UNC5B: variants seen among roughly 807,000 people sequenced by gnomAD.
The protein encoded by UNC5B is netrin receptor UNC5B.
Under a neutral mutation model 103.7 loss-of-function variants are expected in UNC5B, and 56 were observed. The observed-to-expected ratio is 0.54, with a 90% CI of 0.44 to 0.67. UNC5B has a LOEUF of 0.67. Ranked by LOEUF, UNC5B falls within the 30% of genes least tolerant of loss-of-function variation. UNC5B has a pLI of 0.00. For missense variants in UNC5B, 1,194 were observed against 1,284.5 expected (o/e 0.93, Z 1.08); for synonymous variants, 577 against 542.0 (o/e 1.06, Z -0.90).
Position 71,296,599 on chromosome 10 carries a change from T to A in UNC5B, c.2347T>A (p.Trp783Arg). The change falls in exon 15 of 17, where the codon TGG becomes AGG. Residue 783 changes from tryptophan (W) to arginine (R), a missense_variant. Physicochemically the swap from Trp to Arg is moderately radical, Grantham distance 101 (BLOSUM62 -3). Coordinates refer to ENST00000335350, the MANE Select transcript of UNC5B (RefSeq NM_170744.5). ...GCAGGAGATCCCCTTCTATCACATTTGGAGTGGCAGCCAGAAGGCCCTCCA... is the reference window on the plus strand; with the variant it reads ...GCAGGAGATCCCCTTCTATCACATTAGGAGTGGCAGCCAGAAGGCCCTCCA... Reference protein sequence around the residue: ...KYQEIPFYHIWSGSQKALHCT... With the variant: ...KYQEIPFYHIRSGSQKALHCT... The A allele has an allele frequency of 6.2e-7, 1 of 1,613,934 alleles. No homozygotes were observed. Among genetic ancestry groups the A allele is most frequent in the African/African-American group, 1.3e-5 (1 of 75,060 alleles).
intron 6 of UNC5B, among the ~76,000 whole-genome samples, chr10:71,288,193 C>G (rs7077994): frequency 0.1 from 15,265 of 152,258 alleles, 983 homozygotes; most frequent in African/African-American, 0.18. Flanking sequence ...TGCAGCCCCT[C>G]TGCTCCCCTA....
chr10:71,229,383 C>T (rs1589152471), intron 1 of UNC5B, among the ~76,000 whole-genome samples: 1 of 152,220 alleles, frequency 6.6e-6, no homozygotes, highest in Non-Finnish European at 1.5e-5. Context: ...CCGGAAGGTC[C>T]TGCTCCAAGC....
Position 71,293,901 on chromosome 10 carries a change from T to C in UNC5B, c.2143T>C (p.Tyr715His). 1 of 1,604,566 alleles carries C rather than the reference T, an allele frequency of 6.2e-7. No homozygotes were observed. The highest frequency in any genetic ancestry group is 8.5e-7 in the Non-Finnish European group (1 of 1,179,578). ...CTCCCTGGAGTACAGCCTCCGGGTCTACTGCCTGGAGGACACGCCTGTAGC... is the reference window on the plus strand; with the variant it reads ...CTCCCTGGAGTACAGCCTCCGGGTCCACTGCCTGGAGGACACGCCTGTAGC... The part of the protein sequence containing the change: ...CTSLEYSLRV[Y>H]CLEDTPVALK... Residue 715 changes from tyrosine to histidine, a missense_variant, in exon 13 of 17, where the codon TAC becomes CAC. Transcript: ENST00000335350.
rs945002032 is a variant in UNC5B at position 71,212,804 on chromosome 10, G to C, written c.-182G>C. The C allele has an allele frequency of 6.2e-5, 25 of 403,720 alleles. No individual in the cohort carries two copies. Among genetic ancestry groups the C allele is most frequent in the African/African-American group, 4.6e-4 (22 of 48,022 alleles). The allele number at this position is 403,720 out of a possible 1,614,324, so 25.0% of individuals were successfully genotyped here. On this transcript the variant is annotated 5_prime_UTR_variant, in exon 1 of 17. Transcript: ENST00000335350. ...CGGCGCCAGGCACCCACCGCGCTCC[G>C]AGTGCCAGGCGGCCCTCCGCGCAGC...
intron 1 of UNC5B, among the ~76,000 whole-genome samples, chr10:71,247,449 G>C (rs1278782846): frequency 2.0e-5 from 3 of 152,232 alleles, no homozygotes; most frequent in African/African-American, 7.2e-5. Flanking sequence ...ATGCGGAGAG[G>C]AGAGGTGATT....
Position 71,291,036 on chromosome 10 carries a change from C to G in UNC5B, c.1221C>G (p.Asp407Glu). 6.2e-7 allele frequency: 1 copy of G among 1,614,158 alleles called. No individual in the cohort carries two copies. The highest frequency in any genetic ancestry group is 1.1e-5 in the South Asian group (1 of 91,068). Residue 407 changes from aspartate to glutamate, a missense_variant, in exon 9 of 17, where the codon GAC becomes GAG. By Grantham distance (45) the Asp-to-Glu change is conservative. Coordinates refer to ENST00000335350, the MANE Select transcript of UNC5B (RefSeq NM_170744.5). ...VVYRRNCRDF[D>E]TDITDSSAAL... ...ACCGCCGCAACTGCCGTGACTTCGA[C>G]ACAGACATCACTGACTCATCTGCTG...
chr10:71,273,467 T>C (rs1844693340), intron 1 of UNC5B, among the ~76,000 whole-genome samples: 2 of 152,216 alleles, frequency 1.3e-5, no homozygotes, highest in Admixed American at 1.3e-4. Context: ...AATCTCCCTC[T>C]CAGGAATGTT....
chr10:71,297,971 G>C lies in UNC5B; in HGVS notation c.2553G>C (p.Leu851=), dbSNP rs143540096. ...CTGGCAGCACTGTCACCACCCAGCT[G>C]GGACCTTATGCCTTCAAGATCCCAC... ...SAPGSTVTTQ[L]GPYAFKIPLS... is the part of the protein sequence containing the mutation. Residue 851 remains leucine (L), a synonymous_variant, in exon 16 of 17, where the codon CTG becomes CTC. Coordinates refer to ENST00000335350, the MANE Select transcript of UNC5B (RefSeq NM_170744.5). 1,169 of 1,613,982 alleles carry C rather than the reference G, an allele frequency of 7.2e-4. 4 individuals are homozygous for C. Among genetic ancestry groups the C allele is most frequent in the Non-Finnish European group, 9.0e-4 (1,066 of 1,179,978 alleles).
intron 16 of UNC5B, among the ~76,000 whole-genome samples, 136 bp from the exon 17 acceptor site, chr10:71,298,957 CACACAGACTGCAGCACAGT>C (rs943433827): frequency 6.6e-6 from 1 of 151,922 alleles, no homozygotes; most frequent in African/African-American, 2.4e-5. Flanking sequence ...TGCCGAGAGC[CACACAGACTGCAGCACAGT>C]AGCTGCAATT....
chr10:71,291,146 G>A (rs367825004), intron 9 of UNC5B, 37 bp downstream of exon 9: 26 of 1,592,320 alleles, frequency 1.6e-5, no homozygotes, highest in Non-Finnish European at 2.1e-5. Context: ...GTTGGCAGAG[G>A]CAGGATACCC....
chr10:71,291,516 A>G lies in UNC5B; in HGVS notation c.1379A>G (p.Gln460Arg), dbSNP rs201117786. The G allele has an allele frequency of 1.1e-4, 176 of 1,614,104 alleles. No individual in the cohort carries two copies. Among genetic ancestry groups the G allele is most frequent in the Middle Eastern group, 9.9e-4 (6 of 6,062 alleles). The change falls in exon 10 of 17, where the codon CAG becomes CGG. Residue 460 changes from glutamine to arginine, a missense_variant. Coordinates refer to ENST00000335350, the MANE Select transcript of UNC5B (RefSeq NM_170744.5). ...TACCGCGGACCCGTGTATGCCCTGC[A>G]GGACTCCACCGACAAAATCCCCATG... ...GIYRGPVYALQDSTDKIPMTN... is the reference protein window; with the variant it reads ...GIYRGPVYALRDSTDKIPMTN...
chr10:71,292,396 C>G (rs1845287949), intron 10 of UNC5B, 71 bp from the exon 11 acceptor site: 2 of 1,351,822 alleles, frequency 1.5e-6, no homozygotes, highest in Admixed American at 2.0e-5. Flanking sequence ...CAGCCCCAAG[C>G]TGGGGCCAAC....
chr10:71,262,305 G>C (rs1316242901), intron 1 of UNC5B, among the ~76,000 whole-genome samples: 2 of 151,980 alleles, frequency 1.3e-5, no homozygotes, highest in Admixed American at 6.6e-5. Flanking sequence ...TACTGGGTCC[G>C]GGCTGGAGTG....
At chr10:71,287,876 C>A in intron 6 of UNC5B, 111 bp downstream of exon 6, 2 of 1,427,592 alleles carry the variant, frequency 1.4e-6, no homozygotes, top group African/African-American at 1.5e-5. Flanking sequence ...GCAGAAGGTG[C>A]TTGTCCCGAG....
intron 4 of UNC5B, among the ~76,000 whole-genome samples, chr10:71,285,788 TGA>T (rs1845062923): frequency 1.3e-5 from 2 of 152,136 alleles, no homozygotes; most frequent in Non-Finnish European, 2.9e-5. Flanking sequence ...TGCGTGTGTG[TGA>T]GTGTGTTCTC....
At chr10:71,249,351 C>T (rs1323570350) in intron 1 of UNC5B, among the ~76,000 whole-genome samples, 1 of 152,234 alleles carries the variant, frequency 6.6e-6, no homozygotes, top group Non-Finnish European at 1.5e-5. Flanking sequence ...ATTGCCAATT[C>T]CTGGCTGCCC....
At chr10:71,277,718 GGT>G (rs1209129680) in intron 1 of UNC5B, among the ~76,000 whole-genome samples, 1 of 152,210 alleles carries the variant, frequency 6.6e-6, no homozygotes, top group Non-Finnish European at 1.5e-5. Context: ...GTGGGAAGCA[GGT>G]GTCAGGGAGC....
chr10:71,227,707 TACACACACACACACACACAC>T (rs57747777), intron 1 of UNC5B, among the ~76,000 whole-genome samples: 1 of 128,054 alleles, frequency 7.8e-6, no homozygotes, highest in East Asian at 2.2e-4. Flanking sequence ...TACACACATA[TACACACACACACACACACAC>T]ACACACACAC....
chr10:71,222,314 C>A (rs1843468601), intron 1 of UNC5B, among the ~76,000 whole-genome samples: 2 of 34,586 alleles, frequency 5.8e-5, no homozygotes, highest in South Asian at 6.4e-3. Flanking sequence ...GGCCAGAGGT[C>A]TCTTAGTGGA....
Sources: gnomAD v4.1 joint callset for allele counts (sites outside exome capture counted in the v4.1 genomes callset) on GRCh38, gnomAD v4.1.1 for gene constraint, MANE v1.5 for transcripts, NCBI Gene and HGNC (gene_info 2026-07-23, HGNC 2026-07-21) for gene names.